HYDIN: variants seen among roughly 807,000 people sequenced by gnomAD.
HYDIN encodes the protein axonemal central pair apparatus protein HYDIN.
HYDIN carries 132 observed loss-of-function variants against 403.9 expected under a neutral mutation model. That is an observed-to-expected ratio of 0.33 (90% CI 0.28 to 0.38). HYDIN has a LOEUF of 0.38. HYDIN is among the 10% of genes least tolerant of loss of function. The pLI is 1.00. For missense variants in HYDIN, 2,827 were observed against 5,009.5 expected (o/e 0.56, Z 13.15); for synonymous variants, 1,202 against 1,891.7 (o/e 0.64, Z 9.46).
intron 84 of HYDIN, 51 bp from the exon 85 acceptor site, chr16:70,810,058 C>T (rs1324289087): frequency 6.5e-7 from 1 of 1,544,890 alleles, no homozygotes; most frequent in Admixed American, 1.7e-5. Context: ...AATTCATCAC[C>T]TGCCACCTAG....
Position 71,027,047 on chromosome 16 carries a change from C to G in HYDIN, c.3042+555G>C, listed in dbSNP as rs551121985. On this transcript the variant is annotated intron_variant, in intron 20 of 85. Transcript: ENST00000393567. ...ATAAAGAAACACTCATGATTTGGAT[C>G]TACTGAAATGTTTTACGTAGAGTGT... The G allele has an allele frequency of 8.2e-5, 60 of 734,204 alleles. No homozygotes were observed. The South Asian group carries it at 8.5e-4, about 10-fold the overall frequency. 45.5% of individuals were successfully genotyped at this position (734,204 alleles called of 1,614,324 possible).
At chr16:71,136,928 G>T (rs1320808255) in intron 8 of HYDIN, among the ~76,000 whole-genome samples, 3 of 134,926 alleles carry the variant, frequency 2.2e-5, no homozygotes, top group Non-Finnish European at 4.7e-5. Context: ...CTATAAACAG[G>T]TTACATCAAC....
intron 57 of HYDIN, among the ~76,000 whole-genome samples, chr16:70,891,171 TA>T (rs2041441775): frequency 6.6e-6 from 1 of 152,138 alleles, no homozygotes; most frequent in Non-Finnish European, 1.5e-5. Flanking sequence ...TCGTGTATAG[TA>T]TTTAAAAAAA....
chr16:71,192,733 C>T (rs1003798472), intron 1 of HYDIN, among the ~76,000 whole-genome samples: 10 of 152,194 alleles, frequency 6.6e-5, no homozygotes, highest in Admixed American at 4.6e-4. Context: ...ATCTATCTCT[C>T]TCCCTCACCG....
At chr16:70,932,461 C>G (rs2077373402) in intron 45 of HYDIN, among the ~76,000 whole-genome samples, 1 of 151,920 alleles carries the variant, frequency 6.6e-6, no homozygotes, top group Admixed American at 6.6e-5. Flanking sequence ...TCAAAACAGA[C>G]AAAAGCCTCA....
At chr16:70,854,557 G>T (rs1187688649) in intron 73 of HYDIN, among the ~76,000 whole-genome samples, 1 of 151,218 alleles carries the variant, frequency 6.6e-6, no homozygotes, top group African/African-American at 2.4e-5. Context: ...TGGGATTACA[G>T]GCGCCCGCCA....
intron 73 of HYDIN, among the ~76,000 whole-genome samples, chr16:70,853,429 T>C (rs1447570278): frequency 6.7e-6 from 1 of 149,698 alleles, no homozygotes; most frequent in Non-Finnish European, 1.5e-5. Flanking sequence ...AGTAGCTTTA[T>C]TCATAACAGC....
chr16:71,014,593 G>C (rs1359722058), intron 23 of HYDIN, among the ~76,000 whole-genome samples: 2 of 148,298 alleles, frequency 1.3e-5, no homozygotes, highest in Non-Finnish European at 3.0e-5. Context: ...AGTTTGATCG[G>C]AGTGAATCTC....
intron 44 of HYDIN, 110 bp downstream of exon 44, chr16:70,938,504 C>A (rs1210751894): frequency 6.9e-6 from 5 of 720,514 alleles, no homozygotes; most frequent in Non-Finnish European, 1.2e-5. Context: ...CCTTCTGCAG[C>A]TCCTGCTGCC....
intron 43 of HYDIN, chr16:70,941,374 C>T (rs1327681712): frequency 5.6e-5 from 16 of 287,650 alleles, no homozygotes; most frequent in Non-Finnish European, 9.6e-5. Context: ...AAATCAGTTG[C>T]CTGAGTCAGG....
intron 18 of HYDIN, among the ~76,000 whole-genome samples, chr16:71,034,624 G>C (rs1257739505): frequency 2.6e-5 from 4 of 152,094 alleles, no homozygotes; most frequent in Admixed American, 6.5e-5. Flanking sequence ...ATGTAAGACA[G>C]AGCAGAAAGC....
intron 21 of HYDIN, among the ~76,000 whole-genome samples, chr16:71,022,407 G>A (rs2080530187): frequency 6.6e-6 from 1 of 152,126 alleles, no homozygotes; most frequent in Non-Finnish European, 1.5e-5. Context: ...ACAGAGATGT[G>A]GTTTCATCTC....
intron 35 of HYDIN, among the ~76,000 whole-genome samples, chr16:70,971,639 T>A (rs1434259564): frequency 2.0e-5 from 3 of 151,814 alleles, no homozygotes; most frequent in Non-Finnish European, 4.4e-5. Flanking sequence ...CTATCTTAGC[T>A]TGAAGGGGAA....
At chr16:70,884,166 A>C in intron 58 of HYDIN, 42 bp from the exon 59 acceptor site, 1 of 1,511,044 alleles carries the variant, frequency 6.6e-7, no homozygotes, top group East Asian at 2.5e-5. Context: ...TTGGAGGCAG[A>C]GTGAGTGACA....
intron 5 of HYDIN, among the ~76,000 whole-genome samples, chr16:71,173,006 G>C (rs2086530178): frequency 6.6e-6 from 1 of 152,140 alleles, no homozygotes; most frequent in African/African-American, 2.4e-5. Context: ...ACTGCCCTGG[G>C]GAAATGATGT....
intron 39 of HYDIN, among the ~76,000 whole-genome samples, chr16:70,957,362 T>C (rs2078276803): frequency 1.4e-5 from 2 of 145,032 alleles, no homozygotes; most frequent in Admixed American, 1.4e-4. Flanking sequence ...AGTCTCGCCC[T>C]GTAGCCCAGG....
rs1290696886 is a variant in HYDIN, at chr16:70,802,091, A to T, written c.*5489T>A. ...AATAACAGTTTCAGAATGCATGGTGATACTTTTCTTTAATGAATGAAAAGT... is the reference window on the plus strand; with the variant it reads ...AATAACAGTTTCAGAATGCATGGTGTTACTTTTCTTTAATGAATGAAAAGT... On this transcript the variant is annotated 3_prime_UTR_variant, in exon 86 of 86. Transcript: ENST00000393567. 6.6e-6 allele frequency: 1 copy of T among 152,236 alleles called. No individual in the cohort carries two copies. The highest frequency in any genetic ancestry group is 1.5e-5 in the Non-Finnish European group (1 of 68,052). 9.4% of individuals were successfully genotyped at this position (152,236 alleles called of 1,614,324 possible).
At chr16:71,156,283 T>C (rs1288705567) in intron 6 of HYDIN, among the ~76,000 whole-genome samples, 2 of 152,184 alleles carry the variant, frequency 1.3e-5, no homozygotes, top group Admixed American at 1.3e-4. Flanking sequence ...ACTTCTTCAG[T>C]AGTTATAATC....
intron 23 of HYDIN, among the ~76,000 whole-genome samples, chr16:70,996,912 C>A (rs2079550705): frequency 2.0e-5 from 3 of 151,238 alleles, no homozygotes; most frequent in Non-Finnish European, 4.4e-5. Flanking sequence ...TTATTGTGCA[C>A]TTTATTTCTA....
Sources: gnomAD v4.1 joint callset for allele counts (sites outside exome capture counted in the v4.1 genomes callset) on GRCh38, gnomAD v4.1.1 for gene constraint, MANE v1.5 for transcripts, NCBI Gene and HGNC (gene_info 2026-07-23, HGNC 2026-07-21) for gene names.